The following EHMT1 variants were observed in gnomAD, a reference collection of about 807,000 sequenced individuals.
EHMT1 encodes the protein histone-lysine N-methyltransferase EHMT1.
EHMT1 carries 15 observed loss-of-function variants against 147.2 expected under a neutral mutation model. The observed-to-expected ratio is 0.10, with a 90% confidence interval of 0.07 to 0.16. The LOEUF is 0.16. Among genes scored for constraint, EHMT1 ranks in the 10% least tolerant of loss-of-function variants. EHMT1 has a pLI of 1.00. For missense variants in EHMT1, 1,587 were observed against 1,772.4 expected (o/e 0.90, Z 1.88); for synonymous variants, 795 against 709.6 (o/e 1.12, Z -1.91).
At chr9:137,673,457 G>T (rs887036502) in intron 1 of EHMT1, among the ~76,000 whole-genome samples, 1 of 152,210 alleles carries the variant, frequency 6.6e-6, no homozygotes, top group African/African-American at 2.4e-5. Context: ...GAGGAGATGG[G>T]TGTCCTGGGA....
At chr9:137,626,130 G>C (rs1843240479) in intron 1 of EHMT1, among the ~76,000 whole-genome samples, 1 of 151,246 alleles carries the variant, frequency 6.6e-6, no homozygotes, top group African/African-American at 2.4e-5. Flanking sequence ...GCCTCCCAAA[G>C]TGCTGAGATT....
chr9:137,768,862 T>C (rs1212343063), intron 10 of EHMT1, among the ~76,000 whole-genome samples: 1 of 152,122 alleles, frequency 6.6e-6, no homozygotes, highest in Non-Finnish European at 1.5e-5. Flanking sequence ...ATTTTTTGTA[T>C]TTTTAGTAGA....
chr9:137,788,024 C>G, intron 15 of EHMT1: 1 of 1,416,628 alleles, frequency 7.1e-7, no homozygotes, highest in Non-Finnish European at 9.8e-7. Flanking sequence ...CCCTAGGCTC[C>G]GGGAAGAGGG....
intron 7 of EHMT1, among the ~76,000 whole-genome samples, chr9:137,753,810 T>G (rs1949171350): frequency 6.6e-6 from 1 of 152,242 alleles, no homozygotes; most frequent in Admixed American, 6.5e-5. Flanking sequence ...GAGCGTTGAT[T>G]GTCCCTTTTC....
At position 137,662,647 on chromosome 9, in the gene EHMT1, C is replaced by T. The variant is rs760052003; in HGVS notation, c.21+43598C>T. ...CCTGAGTAGCTGGGATTACAGATGC[C>T]TGCCACCACACTGGGCTAATTTTTT... is the stretch of plus-strand genomic sequence containing the variant. On this transcript the variant is annotated intron_variant, in intron 1 of 26. Coordinates refer to ENST00000460843, the MANE Select transcript of EHMT1 (RefSeq NM_024757.5). Among the ~76,000 whole-genome samples, 60 of 152,084 alleles carry T rather than the reference C, an allele frequency of 3.9e-4. 1 individual carries two copies. Among genetic ancestry groups the T allele is most frequent in the South Asian group, 1.7e-3 (8 of 4,810 alleles).
At chr9:137,683,595 A>T (rs1942169015) in intron 1 of EHMT1, among the ~76,000 whole-genome samples, 1 of 152,168 alleles carries the variant, frequency 6.6e-6, no homozygotes, top group African/African-American at 2.4e-5. Context: ...TATGATGTAG[A>T]TTTTTTTGCT....
intron 6 of EHMT1, among the ~76,000 whole-genome samples, chr9:137,748,260 T>G (rs1948706718): frequency 6.6e-6 from 1 of 152,350 alleles, no homozygotes; most frequent in Admixed American, 6.5e-5. Flanking sequence ...CAGCTTAAAT[T>G]TCTACTACAG....
chr9:137,630,940 A>C (rs569983886), intron 1 of EHMT1, among the ~76,000 whole-genome samples: 2 of 152,150 alleles, frequency 1.3e-5, no homozygotes, highest in African/African-American at 4.8e-5. Flanking sequence ...TAGGCATGGA[A>C]TGATACTTTA....
intron 1 of EHMT1, among the ~76,000 whole-genome samples, chr9:137,669,076 G>A (rs570813142): frequency 2.5e-4 from 38 of 152,186 alleles, no homozygotes; most frequent in African/African-American, 7.9e-4. Context: ...TAGTACAGAC[G>A]GGGTTTCACC....
At chr9:137,670,716 C>T (rs1940493329) in intron 1 of EHMT1, among the ~76,000 whole-genome samples, 1 of 152,198 alleles carries the variant, frequency 6.6e-6, no homozygotes, top group Non-Finnish European at 1.5e-5. Flanking sequence ...CCTCCTGGCT[C>T]CAGTTCCTAC....
At chr9:137,728,576 G>T (rs777605086) in intron 4 of EHMT1, 47 bp downstream of exon 4, 1 of 1,612,696 alleles carries the variant, frequency 6.2e-7, no homozygotes, top group Non-Finnish European at 8.5e-7. Context: ...TGTATGTTTC[G>T]AGCCTGCCCC....
chr9:137,778,115 G>A lies in EHMT1; in HGVS notation c.2192+60G>A, dbSNP rs1564741959. ...GAGCCTGTTTTAATCTGCACCCCGC[G>A]TTTTTCCCCATGGTGTCACTTTAGC... On this transcript the variant is annotated intron_variant, in intron 13 of 26. Transcript: ENST00000460843. 11 of 1,604,522 alleles carry A rather than the reference G, an allele frequency of 6.9e-6. No homozygotes were observed. In the East Asian group the frequency reaches 1.1e-4, roughly 16 times the overall value.
At position 137,754,222 on chromosome 9, in the gene EHMT1, G is replaced by A. The variant is rs1564697230; in HGVS notation, c.1300G>A (p.Asp434Asn). The A allele has an allele frequency of 1.4e-5, 23 of 1,614,116 alleles. No homozygotes were observed. The highest frequency in any genetic ancestry group is 1.9e-5 in the Non-Finnish European group (22 of 1,180,008). The part of the protein sequence containing the change: ...KKFLKRKGKT[D>N]SPWIKPARKR... ...ATTTCTCAAGAGGAAAGGAAAGACC[G>A]ACAGTCCCTGGATCAAGCCAGCCAG... Residue 434 changes from aspartate (D) to asparagine (N), a missense_variant, in exon 8 of 27, where the codon GAC becomes AAC. Physicochemically the swap from Asp to Asn is conservative, Grantham distance 23. This residue lies in a region of EHMT1 where 810 missense variants were observed against 673.0 expected (regional missense o/e 1.20). Transcript: ENST00000460843.
chr9:137,717,162 C>G lies in EHMT1; in HGVS notation c.622C>G (p.Pro208Ala), dbSNP rs1341558786. 1 of 1,612,216 alleles carries G rather than the reference C, an allele frequency of 6.2e-7. No individual in the cohort carries two copies. The highest frequency in any genetic ancestry group is 1.3e-5 in the African/African-American group (1 of 74,930). The change falls in exon 3 of 27, where the codon CCG becomes GCG. Residue 208 changes from proline to alanine, a missense_variant. Physicochemically the swap from Pro to Ala is conservative, Grantham distance 27. Coordinates refer to ENST00000460843, the MANE Select transcript of EHMT1 (RefSeq NM_024757.5). ...GGTCCACAGGGCACGCAAGACCATGCCGAAGTCCGTCGTGGGCCTGGTAAT... is the reference window on the plus strand; with the variant it reads ...GGTCCACAGGGCACGCAAGACCATGGCGAAGTCCGTCGTGGGCCTGGTAAT... ...VKVHRARKTM[P>A]KSVVGLHAAS...
chr9:137,745,987 G>C (rs758317967), intron 6 of EHMT1: 2 of 159,106 alleles, frequency 1.3e-5, no homozygotes, highest in Non-Finnish European at 1.4e-5. Context: ...AATAGCCCCT[G>C]CTCATTTTTC....
chr9:137,747,968 A>G (rs1948684439), intron 6 of EHMT1: 1 of 152,076 alleles, frequency 6.6e-6, no homozygotes, highest in African/African-American at 2.4e-5. Context: ...CACAGAATGC[A>G]TTCTTTCTTT....
At chr9:137,654,004 C>T (rs368974385) in intron 1 of EHMT1, among the ~76,000 whole-genome samples, 279 of 152,302 alleles carry the variant, frequency 1.8e-3, no homozygotes, top group South Asian at 3.7e-3. Context: ...CACGCTTTCG[C>T]ATATGGCTCT....
At chr9:137,778,563 T>C (rs1397349554) in intron 13 of EHMT1, among the ~76,000 whole-genome samples, 2 of 152,058 alleles carry the variant, frequency 1.3e-5, no homozygotes, top group Non-Finnish European at 2.9e-5. Context: ...GGATCTCCCC[T>C]CTGTCTGCCT....
chr9:137,692,730 C>G (rs762896396), intron 1 of EHMT1, among the ~76,000 whole-genome samples: 4 of 152,038 alleles, frequency 2.6e-5, no homozygotes, highest in Non-Finnish European at 1.5e-5. Flanking sequence ...GTGTGTGTGT[C>G]GGACGGCAGT....
Sources: allele counts gnomAD v4.1 joint callset (sites outside exome capture counted in the v4.1 genomes callset), GRCh38; gene constraint gnomAD v4.1.1; regional missense constraint gnomAD v4.1.1; transcripts MANE v1.5; gene names NCBI Gene and HGNC (gene_info 2026-07-23, HGNC 2026-07-21).